COL4A5: variants seen among roughly 807,000 people sequenced by gnomAD.
COL4A5 encodes collagen alpha-5(IV) chain.
Under a neutral mutation model 130.2 loss-of-function variants are expected in COL4A5, and 26 were observed. The observed-to-expected ratio is 0.20, with a 90% confidence interval of 0.15 to 0.28. COL4A5 has a LOEUF of 0.28. Ranked by LOEUF, COL4A5 falls within the 10% of genes least tolerant of loss-of-function variation. The probability of loss-of-function intolerance (pLI) is 1.00; values close to 1 mark genes in which losing one functional copy is unlikely to be tolerated. For missense variants in COL4A5, 1,131 were observed against 1,344.3 expected (o/e 0.84, Z 2.48); for synonymous variants, 496 against 439.6 (o/e 1.13, Z -1.60).
chrX:108,631,488 T>A (rs1432977746), intron 36 of COL4A5, among the ~76,000 whole-genome samples: 2 of 110,705 alleles, frequency 1.8e-5, no homozygotes, highest in African/African-American at 6.6e-5. Flanking sequence ...ATGCTTATGA[T>A]ACATCTCTAG....
intron 36 of COL4A5, among the ~76,000 whole-genome samples, chrX:108,635,490 C>A (rs895291258): frequency 2.7e-5 from 3 of 111,478 alleles, no homozygotes; most frequent in African/African-American, 6.5e-5. Context: ...CTTCATAACT[C>A]CTTTTTAAAA....
chrX:108,552,225 T>TA (rs1307427937), intron 2 of COL4A5, among the ~76,000 whole-genome samples: 1 of 111,946 alleles, frequency 8.9e-6, no homozygotes, highest in Non-Finnish European at 1.9e-5. Context: ...AAAAATGTTA[T>TA]ACAAATGGAA....
intron 1 of COL4A5, among the ~76,000 whole-genome samples, chrX:108,499,279 T>G (rs1433514999): frequency 7.1e-5 from 8 of 111,955 alleles, no homozygotes. Flanking sequence ...TTTGTTGATT[T>G]TTATTGTTAA....
In COL4A5 at chrX:108,696,397, T is replaced by A; in HGVS notation, c.*19T>A. 8.6e-7 allele frequency: 1 copy of A among 1,159,926 alleles called. No individual in the cohort carries two copies. The highest frequency in any genetic ancestry group is 1.2e-6 in the Non-Finnish European group (1 of 849,478). On this transcript the variant is annotated 3_prime_UTR_variant, in exon 53 of 53. Coordinates refer to ENST00000328300, the MANE Select transcript of COL4A5 (RefSeq NM_033380.3). ...GACATAACATTTTGAAGAATTCCTT[T>A]TGTGTTTTAAAATGTGATATATATA...
At chrX:108,533,890 C>A (rs1196465783) in intron 1 of COL4A5, among the ~76,000 whole-genome samples, 1 of 110,732 alleles carries the variant, frequency 9.0e-6, no homozygotes, top group Non-Finnish European at 1.9e-5. Context: ...AAGCAAAAGA[C>A]CTGAATAGAC....
In COL4A5 at chrX:108,440,150, G is replaced by C. The variant is rs1199972451; in HGVS notation, c.25G>C (p.Ala9Pro). 3.3e-6 allele frequency: 4 copies of C among 1,209,216 alleles called. No individual in the cohort carries two copies. The highest frequency in any genetic ancestry group is 4.5e-6 in the Non-Finnish European group (4 of 894,555). Residue 9 changes from alanine (A) to proline (P), a missense_variant, in exon 1 of 53, where the codon GCT becomes CCT. Coordinates refer to ENST00000328300, the MANE Select transcript of COL4A5 (RefSeq NM_033380.3). Reference protein sequence around the residue: MKLRGVSLAAGLFLLALSL... With the variant: MKLRGVSLPAGLFLLALSL... ...AATGAAACTGCGTGGAGTCAGCCTG[G>C]CTGCCGGCTTGTTCTTACTGGCCCT...
At chrX:108,549,803 A>T in intron 2 of COL4A5, among the ~76,000 whole-genome samples, 1 of 111,641 alleles carries the variant, frequency 9.0e-6, no homozygotes, top group Non-Finnish European at 1.9e-5. Context: ...ACAAAAGATG[A>T]TAAGAAAATA....
At chrX:108,678,464 G>T (rs1299273775) in intron 44 of COL4A5, among the ~76,000 whole-genome samples, 1 of 111,512 alleles carries the variant, frequency 9.0e-6, no homozygotes, top group Admixed American at 9.6e-5. Context: ...AGTTTCACCT[G>T]CTATACCCCT....
intron 30 of COL4A5, among the ~76,000 whole-genome samples, chrX:108,619,635 A>G (rs2066999678): frequency 8.9e-6 from 1 of 112,091 alleles, no homozygotes; most frequent in Non-Finnish European, 1.9e-5. Context: ...TAATAGTAAC[A>G]TATTATTAAT....
chrX:108,620,063 T>A lies in COL4A5; in HGVS notation c.2510-196T>A, dbSNP rs141684133. On this transcript the variant is annotated intron_variant, in intron 30 of 52. Coordinates refer to ENST00000328300, the MANE Select transcript of COL4A5 (RefSeq NM_033380.3). Reference sequence around the variant, plus strand: ...TTGCCAGAAATAATTTGAGAAGCACTGTCTTAGAGCAATCTGCTTGAAAAT... The same window carrying A: ...TTGCCAGAAATAATTTGAGAAGCACAGTCTTAGAGCAATCTGCTTGAAAAT... 6.1e-3 allele frequency among the ~76,000 whole-genome samples: 681 copies of A among 112,414 alleles called. 2 individuals carry two copies. The highest frequency in any genetic ancestry group is 0.037 in the East Asian group (131 of 3,580).
chrX:108,540,744 G>C (rs1268817076), intron 2 of COL4A5, among the ~76,000 whole-genome samples: 1 of 112,222 alleles, frequency 8.9e-6, no homozygotes, highest in Non-Finnish European at 1.9e-5. Flanking sequence ...CCAGCTGAAT[G>C]TTTATTTCTA....
In COL4A5 at chrX:108,439,958, CT is replaced by C. The variant is rs1173562255; in HGVS notation, c.-158del. 258 of 388,052 alleles carry C rather than the reference CT, an allele frequency of 6.6e-4. No homozygotes were observed. The highest frequency in any genetic ancestry group is 1.2e-3 in the East Asian group (28 of 22,404). 32.0% of individuals were successfully genotyped at this position (388,052 alleles called of 1,213,427 possible). On this transcript the variant is annotated 5_prime_UTR_variant, in exon 1 of 53. Coordinates refer to ENST00000328300, the MANE Select transcript of COL4A5 (RefSeq NM_033380.3). ...GGAAGAGTAGCTCCTTCTTCTTCTT[CT>C]TTTTTTTTTCTTCCACTCTTAAAAA...
intron 49 of COL4A5, chrX:108,690,202 G>A (rs1276024280): frequency 6.2e-6 from 1 of 160,295 alleles, no homozygotes; most frequent in Non-Finnish European, 1.0e-5. Flanking sequence ...TGGCTAATAG[G>A]TTAAATAACT....
At chrX:108,672,225 G>C in intron 42 of COL4A5, among the ~76,000 whole-genome samples, 1 of 112,090 alleles carries the variant, frequency 8.9e-6, no homozygotes, top group Non-Finnish European at 1.9e-5. Flanking sequence ...AGACTAGGGG[G>C]TTACTTTGAA....
chrX:108,450,755 A>G (rs1038719767), intron 1 of COL4A5, among the ~76,000 whole-genome samples: 22 of 111,944 alleles, frequency 2.0e-4, no homozygotes, highest in African/African-American at 6.1e-4. Context: ...TTACAAAATC[A>G]TGCATAGGGA....
At position 108,586,739 on chromosome X, in the gene COL4A5, G is replaced by C; in HGVS notation, c.1157G>C (p.Gly386Ala). The C allele has an allele frequency of 8.3e-7, 1 of 1,209,830 alleles. No individual in the cohort carries two copies. The highest frequency in any genetic ancestry group is 1.1e-6 in the Non-Finnish European group (1 of 894,211). ...ATACAGGGTCCACCTGGCCTTCCTG[G>C]ACCTCCAGGTAAATGAGATTGCATT... ...PGIQGPPGLPGPPGAAVMGPP... is the reference protein window; with the variant it reads ...PGIQGPPGLPAPPGAAVMGPP... The change falls in exon 19 of 53, where the codon GGA (glycine) becomes GCA (alanine). Residue 386 changes from glycine (G) to alanine (A), a missense_variant. Gly to Ala is a moderately conservative substitution (Grantham distance 60, BLOSUM62 0). Transcript: ENST00000328300.
At chrX:108,538,457 A>C (rs1419312812) in intron 1 of COL4A5, among the ~76,000 whole-genome samples, 1 of 111,650 alleles carries the variant, frequency 9.0e-6, no homozygotes, top group Non-Finnish European at 1.9e-5. Context: ...GTTTGCTCTT[A>C]TAATCAGGAA....
intron 42 of COL4A5, among the ~76,000 whole-genome samples, chrX:108,672,284 T>C (rs1385176345): frequency 8.9e-6 from 1 of 112,534 alleles, no homozygotes; most frequent in African/African-American, 3.2e-5. Context: ...TTTGCCACTT[T>C]GATTACTGCT....
chrX:108,505,832 C>T (rs2065118934), intron 1 of COL4A5, among the ~76,000 whole-genome samples: 1 of 112,328 alleles, frequency 8.9e-6, no homozygotes, highest in Non-Finnish European at 1.9e-5. Context: ...GAGATAGTTT[C>T]CCCCATCCAT....
Sources: gnomAD v4.1 joint callset for allele counts (sites outside exome capture counted in the v4.1 genomes callset) on GRCh38, gnomAD v4.1.1 for gene constraint, MANE v1.5 for transcripts, NCBI Gene and HGNC (gene_info 2026-07-23, HGNC 2026-07-21) for gene names.